The following IGSF11 variants were observed in gnomAD, a reference collection of about 807,000 sequenced individuals.
IGSF11 encodes immunoglobulin superfamily member 11, also known as CXADR like 1.
A neutral mutation model predicts 41.0 loss-of-function variants in IGSF11; 22 were observed. The observed-to-expected ratio is 0.54, with a 90% confidence interval of 0.38 to 0.77. The LOEUF (loss-of-function observed/expected upper bound fraction) is 0.77. Among genes scored for constraint, IGSF11 ranks in the 30% least tolerant of loss-of-function variants. The probability of loss-of-function intolerance (pLI) is 0.00; values close to 1 mark genes in which losing one functional copy is unlikely to be tolerated. For missense variants in IGSF11, 444 were observed against 530.8 expected (o/e 0.84, Z 1.61); for synonymous variants, 219 against 201.3 (o/e 1.09, Z -0.74).
chr3:118,938,041 ATGTGTG>A lies in IGSF11; in HGVS notation c.53-7772_53-7767del, dbSNP rs142768013. 2.1e-3 allele frequency among the ~76,000 whole-genome samples: 315 copies of A among 149,196 alleles called. 1 individual carries two copies. Among genetic ancestry groups the A allele is most frequent in the African/African-American group, 7.2e-3 (295 of 40,862 alleles). On this transcript the variant is annotated intron_variant, in intron 1 of 6. Transcript: ENST00000393775. ...TCTCTCTCATATATATATATATAAA[ATGTGTG>A]TGTGTGTGTGTGTGTACATATGCAT... is the stretch of plus-strand genomic sequence containing the variant.
At chr3:119,133,043 A>T (rs1461954868) in intron 1 of IGSF11, among the ~76,000 whole-genome samples, 1 of 152,222 alleles carries the variant, frequency 6.6e-6, no homozygotes, top group Non-Finnish European at 1.5e-5. Context: ...AACATACCAG[A>T]ATCTCTGGGA....
At position 118,904,755 on chromosome 3, in the gene IGSF11, A is replaced by G; in HGVS notation, c.747T>C (p.Thr249=). 1 of 1,613,630 alleles carries G rather than the reference A, an allele frequency of 6.2e-7. No homozygotes were observed. The highest frequency in any genetic ancestry group is 8.5e-7 in the Non-Finnish European group (1 of 1,179,724). Residue 249 remains threonine (T), a synonymous_variant, in exon 6 of 7, where the codon ACT becomes ACC. Transcript: ENST00000393775. ...TGCAAAAAATGATAATAACTGCACC[A>G]GTGCCAATGGCTCCAGCTATTAGTC... ...NIGLIAGAIG[T]GAVIIIFCIA... is the part of the protein sequence containing the mutation.
chr3:118,960,247 T>C (rs1945254923), intron 1 of IGSF11, among the ~76,000 whole-genome samples: 1 of 152,082 alleles, frequency 6.6e-6, no homozygotes, highest in Admixed American at 6.5e-5. Context: ...AAAAATCAAA[T>C]ATGCCAAGAT....
At chr3:118,957,056 C>T (rs568694588) in intron 1 of IGSF11, among the ~76,000 whole-genome samples, 3 of 152,032 alleles carry the variant, frequency 2.0e-5, no homozygotes, top group Non-Finnish European at 4.4e-5. Flanking sequence ...CCCAGGAAAG[C>T]CTGGGTGTAA....
chr3:119,099,257 C>T (rs968429066), intron 1 of IGSF11, among the ~76,000 whole-genome samples: 5 of 152,106 alleles, frequency 3.3e-5, no homozygotes, highest in African/African-American at 9.7e-5. Context: ...GTTCTCAATT[C>T]AATCCAGAAA....
In IGSF11 at chr3:119,069,707, C is replaced by G. The variant is rs79158640; in HGVS notation, c.49+35437G>C. ...ACAAAATTAGGAAAACTAGTTGAAG[C>G]AAAAAGGGAAAAAAAAAAATCACAT... On this transcript the variant is annotated intron_variant, in intron 1 of 6. Transcript: ENST00000354673. Among the ~76,000 whole-genome samples the G allele has an allele frequency of 0.015, 2,263 of 149,696 alleles. 86 individuals carry two copies. The East Asian group carries it at 0.16, about 10-fold the overall frequency.
chr3:119,070,006 G>A (rs1192090617), intron 1 of IGSF11, among the ~76,000 whole-genome samples: 1 of 152,206 alleles, frequency 6.6e-6, no homozygotes, highest in East Asian at 1.9e-4. Context: ...GCACTTTGCA[G>A]CATCTCATTA....
intron 1 of IGSF11, among the ~76,000 whole-genome samples, chr3:119,080,835 T>C (rs4449310): frequency 0.46 from 69,466 of 151,906 alleles, 16,011 homozygotes; most frequent in Admixed American, 0.54. Flanking sequence ...GGAAGATAGC[T>C]CAGACCTAGG....
intron 1 of IGSF11, among the ~76,000 whole-genome samples, chr3:118,987,206 C>T (rs867491572): frequency 2.4e-4 from 37 of 152,280 alleles, no homozygotes; most frequent in South Asian, 2.1e-4. Context: ...CTCAGCTCTG[C>T]GAATGGAATG....
chr3:119,087,876 A>G (rs1395845021), intron 1 of IGSF11, among the ~76,000 whole-genome samples: 1 of 152,198 alleles, frequency 6.6e-6, no homozygotes, highest in African/African-American at 2.4e-5. Flanking sequence ...AAGATGCCTT[A>G]ACTATGCTAA....
intron 4 of IGSF11, among the ~76,000 whole-genome samples, chr3:118,921,968 A>T (rs1047453620): frequency 6.6e-6 from 1 of 152,050 alleles, no homozygotes; most frequent in African/African-American, 2.4e-5. Context: ...AAGCTGCCAA[A>T]CTCATAAAAT....
chr3:119,089,954 G>A (rs2076736854), intron 1 of IGSF11, among the ~76,000 whole-genome samples: 2 of 152,176 alleles, frequency 1.3e-5, no homozygotes, highest in Admixed American at 1.3e-4. Context: ...GAACCTGGGA[G>A]GCAGAGGTTA....
At chr3:118,992,167 G>A (rs1279247692) in intron 1 of IGSF11, among the ~76,000 whole-genome samples, 2 of 152,212 alleles carry the variant, frequency 1.3e-5, no homozygotes, top group Non-Finnish European at 1.5e-5. Flanking sequence ...AGGAAGAAAA[G>A]AGAAATGTAC....
chr3:119,027,792 C>T lies in IGSF11; in HGVS notation c.52+6739G>A, dbSNP rs952961375. Among the ~76,000 whole-genome samples the T allele has an allele frequency of 2.6e-5, 4 of 152,136 alleles. No individual in the cohort carries two copies. In the East Asian group the frequency reaches 7.7e-4, roughly 29 times the overall value. On this transcript the variant is annotated intron_variant, in intron 1 of 6. Transcript: ENST00000393775. ...ACACTGTTAACCAATTTTTCACATG[C>T]CCTGCATACTGTCAAGTCTTGATCA...
intron 1 of IGSF11, among the ~76,000 whole-genome samples, chr3:119,111,174 C>T (rs1274296071): frequency 6.6e-6 from 1 of 152,166 alleles, no homozygotes; most frequent in Admixed American, 6.5e-5. Flanking sequence ...TGGATAATAT[C>T]CTGCAGAGTG....
chr3:119,138,158 C>CAA (rs71156733), intron 1 of IGSF11, among the ~76,000 whole-genome samples: 21 of 134,046 alleles, frequency 1.6e-4, no homozygotes, highest in African/African-American at 4.6e-4. Context: ...GGTTCCTCAA[C>CAA]AAAAAAAAAA....
At chr3:118,914,259 T>C (rs1940753244) in intron 4 of IGSF11, among the ~76,000 whole-genome samples, 1 of 152,092 alleles carries the variant, frequency 6.6e-6, no homozygotes, top group South Asian at 2.1e-4. Context: ...GGAGCCAAGA[T>C]GGCCGAATAG....
Position 119,070,474 on chromosome 3 carries a change from T to C in IGSF11, c.49+34670A>G, listed in dbSNP as rs533825403. Reference sequence around the variant, plus strand: ...CAAAATAACTACTGATTAAGGATACTTCATGCAGTCTCAAAATTTAACTAC... The same window carrying C: ...CAAAATAACTACTGATTAAGGATACCTCATGCAGTCTCAAAATTTAACTAC... On this transcript the variant is annotated intron_variant, in intron 1 of 6. Coordinates refer to the IGSF11 transcript ENST00000354673. 2.6e-4 allele frequency among the ~76,000 whole-genome samples: 39 copies of C among 152,358 alleles called. No individual in the cohort carries two copies. In the South Asian group the frequency reaches 7.9e-3, roughly 31 times the overall value.
intron 1 of IGSF11, among the ~76,000 whole-genome samples, chr3:119,057,990 T>A (rs569575194): frequency 2.0e-5 from 3 of 152,346 alleles, no homozygotes; most frequent in African/African-American, 4.8e-5. Context: ...GATTAAAGAC[T>A]TACATGTTAG....
Sources: allele counts gnomAD v4.1 joint callset (sites outside exome capture counted in the v4.1 genomes callset), GRCh38; gene constraint gnomAD v4.1.1; transcripts MANE v1.5; gene names NCBI Gene and HGNC (gene_info 2026-07-23, HGNC 2026-07-21).